Variants in WDR59 observed in about 807,000 individuals in gnomAD.
WDR59 encodes WD repeat domain 59, also known as GATOR2 complex protein WDR59.
A neutral mutation model predicts 131.2 loss-of-function variants in WDR59; 100 were observed. The ratio of observed to expected loss-of-function variants is 0.76; its 90% confidence interval spans 0.65 to 0.90. The LOEUF (loss-of-function observed/expected upper bound fraction) is 0.90, where lower values mean the gene tolerates loss of function less well. Among genes scored for constraint, WDR59 ranks in the 40% least tolerant of loss-of-function variants. The pLI is 0.00. For synonymous variants in WDR59, 601 were observed against 466.2 expected, an observed-to-expected ratio of 1.29 and a Z score of -3.72; for missense variants, 1,203 against 1,262.2, an observed-to-expected ratio of 0.95 and a Z score of 0.71.
chr16:74,954,787 G>A (rs747391920), intron 3 of WDR59, among the ~76,000 whole-genome samples: 37 of 152,298 alleles, frequency 2.4e-4, no homozygotes, highest in Non-Finnish European at 7.3e-5. Flanking sequence ...CTGATAAAAA[G>A]GAATGAAGTT....
At chr16:74,913,960 A>G (rs186151397) in intron 13 of WDR59, among the ~76,000 whole-genome samples, 1 of 152,364 alleles carries the variant, frequency 6.6e-6, no homozygotes, top group African/African-American at 2.4e-5. Flanking sequence ...TAATCCCAGC[A>G]CTTTGGGAGG....
At chr16:74,878,177 A>G (rs528897934) in intron 25 of WDR59, among the ~76,000 whole-genome samples, 3 of 152,320 alleles carry the variant, frequency 2.0e-5, no homozygotes, top group South Asian at 2.1e-4. Flanking sequence ...TAAACCCACA[A>G]TGTAAGAAAT....
intron 2 of WDR59, among the ~76,000 whole-genome samples, chr16:74,961,624 A>C (rs530981479): frequency 3.2e-4 from 48 of 152,198 alleles, no homozygotes; most frequent in African/African-American, 1.1e-3. Context: ...TCCTTTGCCC[A>C]CTTTTTAACG....
chr16:74,882,150 A>T (rs1964516513), intron 25 of WDR59, among the ~76,000 whole-genome samples: 1 of 152,198 alleles, frequency 6.6e-6, no homozygotes, highest in African/African-American at 2.4e-5. Flanking sequence ...ACTTTATAAT[A>T]GCAGATGTCA....
chr16:74,983,407 A>G (rs1321030228), intron 1 of WDR59, among the ~76,000 whole-genome samples: 2 of 152,134 alleles, frequency 1.3e-5, no homozygotes, highest in African/African-American at 4.8e-5. Context: ...TGGGAGGCAG[A>G]GGTTGCAGTG....
chr16:74,913,916 C>G (rs982145993), intron 13 of WDR59, among the ~76,000 whole-genome samples: 1 of 152,088 alleles, frequency 6.6e-6, no homozygotes, highest in Non-Finnish European at 1.5e-5. Flanking sequence ...CTTTAAAAAG[C>G]GGAATTTTGG....
At chr16:74,894,671 G>A (rs1965205863) in intron 18 of WDR59, among the ~76,000 whole-genome samples, 2 of 152,170 alleles carry the variant, frequency 1.3e-5, no homozygotes, top group Non-Finnish European at 2.9e-5. Flanking sequence ...GGCAAAAGGA[G>A]CTAGTAAAAA....
chr16:74,888,178 A>G lies in WDR59; in HGVS notation c.2337T>C (p.His779=), dbSNP rs770808575. ...PNRSSNLVVS[H]SRYPSFTSSG... Reference sequence around the variant, plus strand: ...AAAAGGACAAACTTACATATCGACTATGGGACACCACAAGATTAGAAGAAC... The same window carrying G: ...AAAAGGACAAACTTACATATCGACTGTGGGACACCACAAGATTAGAAGAAC... Residue 779 remains histidine, a synonymous_variant, in exon 22 of 26, where the codon CAT becomes CAC. Transcript: ENST00000262144. 3 of 1,606,140 alleles carry G rather than the reference A, an allele frequency of 1.9e-6. No individual in the cohort carries two copies. In the East Asian group the frequency reaches 6.7e-5, roughly 36 times the overall value.
chr16:74,874,881 G>A (rs2144740298), intron 25 of WDR59, among the ~76,000 whole-genome samples: 1 of 152,162 alleles, frequency 6.6e-6, no homozygotes, highest in East Asian at 1.9e-4. Context: ...GTGAGCCACT[G>A]TGCCCAGCCT....
At chr16:74,902,878 C>T (rs1769370795) in intron 18 of WDR59, among the ~76,000 whole-genome samples, 1 of 151,234 alleles carries the variant, frequency 6.6e-6, no homozygotes, top group African/African-American at 2.4e-5. Context: ...GGCAGAATTC[C>T]ATCAGAGATG....
intron 6 of WDR59, among the ~76,000 whole-genome samples, chr16:74,947,377 A>AAAAAC (rs1159618690): frequency 1.3e-5 from 2 of 152,174 alleles, no homozygotes; most frequent in African/African-American, 4.8e-5. Context: ...ACTCTGTCTC[A>AAAAAC]AAAACAAAAC....
At chr16:74,941,004 G>A (rs918369377) in intron 7 of WDR59, among the ~76,000 whole-genome samples, 18 of 151,184 alleles carry the variant, frequency 1.2e-4, no homozygotes, top group Non-Finnish European at 2.2e-4. Flanking sequence ...GCGCCCAGCC[G>A]AAAATGCTGT....
At chr16:74,926,660 A>G (rs982774147) in intron 8 of WDR59, among the ~76,000 whole-genome samples, 3 of 152,360 alleles carry the variant, frequency 2.0e-5, no homozygotes, top group Non-Finnish European at 4.4e-5. Flanking sequence ...AAAATCTCTT[A>G]CTAAACTTTA....
intron 8 of WDR59, among the ~76,000 whole-genome samples, chr16:74,931,601 T>G (rs755362134): frequency 2.6e-5 from 4 of 152,150 alleles, no homozygotes; most frequent in Non-Finnish European, 5.9e-5. Flanking sequence ...CCTCCCAAAG[T>G]GCTGGGACTA....
rs189448548 is a variant in WDR59 at position 74,948,520 on chromosome 16, A to C, written c.444T>G (p.Val148=). ...GAGGTGGGAGAAGCATACACTCACCAACAGCAGACAGTGCAACAGTAGGTT... is the reference window on the plus strand; with the variant it reads ...GAGGTGGGAGAAGCATACACTCACCCACAGCAGACAGTGCAACAGTAGGTT... ...TRKPTVALSA[V]AGASQVKWNK... Residue 148 remains valine, a splice_region_variant and synonymous_variant, in exon 6 of 26, where the codon GTT becomes GTG. Transcript: ENST00000262144. The C allele has an allele frequency of 1.9e-6, 3 of 1,613,918 alleles. No homozygotes were observed. The Admixed American group carries it at 5.0e-5, about 27-fold the overall frequency.
Position 74,929,818 on chromosome 16 carries a change from T to C in WDR59, c.652-5815A>G, listed in dbSNP as rs528817190. ...CAGACAAACGGAAAAGAAAATGTAGTGCATATACACAATGGAGTACTATTC... is the reference window on the plus strand; with the variant it reads ...CAGACAAACGGAAAAGAAAATGTAGCGCATATACACAATGGAGTACTATTC... On this transcript the variant is annotated intron_variant, in intron 8 of 25. Transcript: ENST00000262144. 8.1e-4 allele frequency among the ~76,000 whole-genome samples: 123 copies of C among 152,244 alleles called. 1 individual carries two copies. The highest frequency in any genetic ancestry group is 2.8e-3 in the African/African-American group (118 of 41,538).
At chr16:74,977,439 A>T (rs1241004313) in intron 1 of WDR59, among the ~76,000 whole-genome samples, 2 of 152,150 alleles carry the variant, frequency 1.3e-5, no homozygotes, top group African/African-American at 4.8e-5. Flanking sequence ...CTGTAATCCC[A>T]GCACTTTGGG....
intron 13 of WDR59, among the ~76,000 whole-genome samples, chr16:74,914,523 T>C (rs1350768470): frequency 2.0e-5 from 3 of 152,154 alleles, no homozygotes; most frequent in Non-Finnish European, 4.4e-5. Context: ...CTGCTGACCT[T>C]GGACATTTCT....
At chr16:74,984,511 G>T in intron 1 of WDR59, 1 of 199,216 alleles carries the variant, frequency 5.0e-6, no homozygotes, top group Non-Finnish European at 1.1e-5. Flanking sequence ...CGTAGACGCT[G>T]CAACAGGCAC....
Sources: allele counts gnomAD v4.1 joint callset (sites outside exome capture counted in the v4.1 genomes callset), GRCh38; gene constraint gnomAD v4.1.1; transcripts MANE v1.5; gene names NCBI Gene and HGNC (gene_info 2026-07-23, HGNC 2026-07-21).